Variants in MARK3 observed in about 807,000 individuals in gnomAD.
MARK3 encodes the protein microtubule affinity regulating kinase 3.
Under a neutral mutation model 90.1 loss-of-function variants are expected in MARK3, and 46 were observed. The ratio of observed to expected loss-of-function variants is 0.51; its 90% confidence interval spans 0.40 to 0.65. The LOEUF is 0.65. MARK3 is among the 30% of genes least tolerant of loss of function. The pLI is 0.00. For synonymous variants in MARK3, 321 were observed against 332.6 expected (o/e 0.97, Z 0.38); for missense variants, 818 against 947.2 (o/e 0.86, Z 1.79).
In MARK3 at chr14:103,457,283, G is replaced by A. The variant is rs1449317670; in HGVS notation, c.483+71G>A. On this transcript the variant is annotated intron_variant, in intron 6 of 17. Coordinates refer to ENST00000429436, the MANE Select transcript of MARK3 (RefSeq NM_001128918.3). ...CACTTAAACCCTGAAGCAAACAAGTGTTTGCCTCCATAAATGCTTATAAGG... is the reference window on the plus strand; with the variant it reads ...CACTTAAACCCTGAAGCAAACAAGTATTTGCCTCCATAAATGCTTATAAGG... 4.2e-6 allele frequency: 5 copies of A among 1,184,060 alleles called. No individual in the cohort carries two copies. The East Asian group carries it at 7.1e-5, about 17-fold the overall frequency. The allele number at this position is 1,184,060 out of a possible 1,614,324, so 73.3% of individuals were successfully genotyped here.
chr14:103,428,409 A>G lies in MARK3; in HGVS notation c.266A>G (p.Lys89Arg). Residue 89 changes from lysine to arginine, a missense_variant, in exon 3 of 18, where the codon AAA becomes AGA. Physicochemically the swap from Lys to Arg is conservative, Grantham distance 26. Around this residue, in one of 3 missense-constraint regions of MARK3, gnomAD observed 157 missense variants for 158.7 expected, o/e 0.99. Transcript: ENST00000429436. ...TAGGTTGCAATAAAAATAATTGACA[A>G]AACTCAGTTGAATCCAACAAGTCTA... Reference protein sequence around the residue: ...GREVAIKIIDKTQLNPTSLQK... With the variant: ...GREVAIKIIDRTQLNPTSLQK... The G allele has an allele frequency of 6.7e-7, 1 of 1,499,500 alleles. No individual in the cohort carries two copies. Among genetic ancestry groups the G allele is most frequent in the East Asian group, 2.4e-5 (1 of 41,616 alleles). The allele number at this position is 1,499,500 out of a possible 1,614,324, so 92.9% of individuals were successfully genotyped here.
At chr14:103,495,976 T>C (rs1369607983) in intron 15 of MARK3, among the ~76,000 whole-genome samples, 1 of 152,218 alleles carries the variant, frequency 6.6e-6, no homozygotes, top group African/African-American at 2.4e-5. Flanking sequence ...TCAGGAAGCC[T>C]GCACTCTGCT....
intron 15 of MARK3, among the ~76,000 whole-genome samples, chr14:103,498,221 A>G (rs1354913147): frequency 6.6e-6 from 1 of 152,162 alleles, no homozygotes; most frequent in East Asian, 1.9e-4. Context: ...AAAAAAAAAA[A>G]AAGTGTGTCC....
intron 14 of MARK3, among the ~76,000 whole-genome samples, chr14:103,483,160 A>G (rs566097320): frequency 1.3e-5 from 2 of 152,318 alleles, no homozygotes; most frequent in Non-Finnish European, 2.9e-5. Flanking sequence ...TCTTCGGCAA[A>G]TTGTTCCTTT....
At chr14:103,388,869 G>C (rs1033647995) in intron 1 of MARK3, among the ~76,000 whole-genome samples, 3 of 152,070 alleles carry the variant, frequency 2.0e-5, no homozygotes, top group African/African-American at 7.2e-5. Context: ...TTATTGCTGA[G>C]TAAGTATTTC....
intron 17 of MARK3, among the ~76,000 whole-genome samples, chr14:103,502,130 G>T (rs1405474889): frequency 6.6e-6 from 1 of 152,144 alleles, no homozygotes; most frequent in Non-Finnish European, 1.5e-5. Context: ...TAGAGACCCC[G>T]GCCTGGGCTC....
chr14:103,470,455 A>ATTTTTTTTTTTTTT (rs6145477), intron 12 of MARK3, among the ~76,000 whole-genome samples: 2,771 of 54,814 alleles, frequency 0.051, 885 homozygotes, highest in African/African-American at 0.083. Context: ...AACTAAATCT[A>ATTTTTTTTTTTTTT]TTTTTTTTTT....
At chr14:103,435,839 T>C (rs189006044) in intron 3 of MARK3, among the ~76,000 whole-genome samples, 46 of 152,136 alleles carry the variant, frequency 3.0e-4, no homozygotes, top group African/African-American at 1.0e-3. Context: ...CACCTCAGCC[T>C]CCTGAGGTAG....
chr14:103,502,921 A>C lies in MARK3; in HGVS notation c.1956A>C (p.Glu652Asp). Reference sequence around the variant, plus strand: ...CTGAGCAAAAAGATGAAAACAAAGAAGCAAAGCCTCGATCCCTACGCTTCA... The same window carrying C: ...CTGAGCAAAAAGATGAAAACAAAGACGCAAAGCCTCGATCCCTACGCTTCA... The part of the protein sequence containing the change: ...VSAEQKDENK[E>D]AKPRSLRFTW... The change falls in exon 18 of 18, where the codon GAA (glutamate) becomes GAC (aspartate). Residue 652 changes from glutamate to aspartate, a missense_variant. Physicochemically the swap from Glu to Asp is conservative, Grantham distance 45. Transcript: ENST00000429436. 6.2e-7 allele frequency: 1 copy of C among 1,613,690 alleles called. No homozygotes were observed. The highest frequency in any genetic ancestry group is 8.5e-7 in the Non-Finnish European group (1 of 1,179,580).
chr14:103,467,572 G>A (rs2093532930), intron 11 of MARK3: 1 of 159,292 alleles, frequency 6.3e-6, no homozygotes, highest in Non-Finnish European at 1.4e-5. Flanking sequence ...CTCCTTGGGA[G>A]GCTGAGGCAA....
Position 103,491,952 on chromosome 14 carries a change from C to T in MARK3, c.1762C>T (p.His588Tyr), listed in dbSNP as rs1217470884. 1.1e-5 allele frequency: 18 copies of T among 1,614,060 alleles called. No homozygotes were observed. The highest frequency in any genetic ancestry group is 1.5e-5 in the Non-Finnish European group (18 of 1,180,050). Residue 588 changes from histidine to tyrosine, a missense_variant, in exon 15 of 18, where the codon CAT becomes TAT. Physicochemically the swap from His to Tyr is moderately conservative, Grantham distance 83. Coordinates refer to ENST00000429436, the MANE Select transcript of MARK3 (RefSeq NM_001128918.3). The part of the protein sequence containing the change: ...NGPPASPSLS[H>Y]EATPLSQTRS... Reference sequence around the variant, plus strand: ...CCCTCCTGCCTCTCCCAGCCTGTCCCATGAAGCCACACCATTGTCCCAGAC... The same window carrying T: ...CCCTCCTGCCTCTCCCAGCCTGTCCTATGAAGCCACACCATTGTCCCAGAC...
intron 3 of MARK3, among the ~76,000 whole-genome samples, chr14:103,445,668 T>C (rs1391608785): frequency 1.3e-5 from 2 of 152,246 alleles, no homozygotes; most frequent in Non-Finnish European, 2.9e-5. Context: ...ATATTAGTTA[T>C]CCACTGCTGC....
At chr14:103,480,247 C>T (rs774280680) in intron 13 of MARK3, 140 bp from the exon 14 acceptor site, 104 of 553,874 alleles carry the variant, frequency 1.9e-4, no homozygotes, top group Non-Finnish European at 2.7e-4. Context: ...TGCACTCCAG[C>T]CTGGGTGACA....
chr14:103,473,527 A>G (rs562729840), intron 12 of MARK3, among the ~76,000 whole-genome samples: 2 of 152,322 alleles, frequency 1.3e-5, no homozygotes, highest in Non-Finnish European at 2.9e-5. Context: ...AAAGATAAGC[A>G]TTGAGGCTAA....
intron 6 of MARK3, among the ~76,000 whole-genome samples, chr14:103,460,177 CT>C (rs1432808687): frequency 6.8e-6 from 1 of 146,008 alleles, no homozygotes; most frequent in Non-Finnish European, 1.5e-5. Context: ...GCTCCGCCCC[CT>C]GGGTTCACGC....
intron 12 of MARK3, 128 bp downstream of exon 12, chr14:103,468,314 C>CTTTTTTTTTTT (rs759932678): frequency 3.4e-5 from 4 of 116,126 alleles, no homozygotes; most frequent in African/African-American, 1.1e-4. Flanking sequence ...TTTCTTTCTT[C>CTTTTTTTTTTT]TTTTTTTTTT....
At chr14:103,467,995 G>T (rs757414757) in intron 11 of MARK3, 38 bp from the exon 12 acceptor site, 2 of 1,603,924 alleles carry the variant, frequency 1.2e-6, no homozygotes, top group African/African-American at 1.3e-5. Flanking sequence ...ATTTGGGTTC[G>T]TGTTGTGGTT....
intron 3 of MARK3, among the ~76,000 whole-genome samples, chr14:103,436,612 C>T (rs2092722574): frequency 7.4e-6 from 1 of 135,822 alleles, no homozygotes; most frequent in Non-Finnish European, 1.7e-5. Flanking sequence ...AAGACAGGCA[C>T]TTCTTATATT....
In MARK3 at chr14:103,503,173, A is replaced by G. The variant is rs766426726; in HGVS notation, c.2208A>G (p.Thr736=). 5.0e-6 allele frequency: 8 copies of G among 1,613,646 alleles called. No individual in the cohort carries two copies. The highest frequency in any genetic ancestry group is 5.1e-6 in the Non-Finnish European group (6 of 1,179,550). Reference sequence around the variant, plus strand: ...TCCGGTTTAAGCGGATATCGGGGACATCCATAGCCTTCAAAAATATTGCTT... The same window carrying G: ...TCCGGTTTAAGCGGATATCGGGGACGTCCATAGCCTTCAAAAATATTGCTT... ...NGVRFKRISG[T]SIAFKNIASK... is the part of the protein sequence containing the mutation. The change falls in exon 18 of 18, where the codon ACA becomes ACG. Residue 736 remains threonine (T), a synonymous_variant. Coordinates refer to ENST00000429436, the MANE Select transcript of MARK3 (RefSeq NM_001128918.3).
Sources: gnomAD v4.1 joint callset for allele counts (sites outside exome capture counted in the v4.1 genomes callset) on GRCh38, gnomAD v4.1.1 for gene constraint, gnomAD v4.1.1 regional missense constraint, MANE v1.5 for transcripts, NCBI Gene and HGNC (gene_info 2026-07-23, HGNC 2026-07-21) for gene names.